Variants in BCAN observed in about 807,000 individuals in gnomAD.
BCAN encodes the protein brevican, also known as brevican core protein.
A neutral mutation model predicts 92.4 loss-of-function variants in BCAN; 51 were observed. The observed-to-expected ratio is 0.55, with a 90% CI of 0.44 to 0.70. The LOEUF (loss-of-function observed/expected upper bound fraction) is 0.70. Among genes scored for constraint, BCAN ranks in the 30% least tolerant of loss-of-function variants. The pLI is 0.00. For missense variants in BCAN, 1,140 were observed against 1,212.1 expected, an observed-to-expected ratio of 0.94 and a Z score of 0.88; for synonymous variants, 501 against 505.2, an observed-to-expected ratio of 0.99 and a Z score of 0.11.
At chr1:156,649,357 C>A (rs1304355772) in intron 6 of BCAN, among the ~76,000 whole-genome samples, 2 of 152,164 alleles carry the variant, frequency 1.3e-5, no homozygotes, top group East Asian at 1.9e-4. Flanking sequence ...GGGAGCAAGA[C>A]CTTAAGTACA....
At position 156,642,846 on chromosome 1, in the gene BCAN, G is replaced by A. The variant is rs996209656; in HGVS notation, c.-9+571G>A. ...TTCTCTGAACCTCGGGTTCCTCATC[G>A]GTGTAATGAGCAAAACATAAACAAT... is the stretch of plus-strand genomic sequence containing the variant. On this transcript the variant is annotated intron_variant, in intron 1 of 13. Coordinates refer to ENST00000329117, the MANE Select transcript of BCAN (RefSeq NM_021948.5). This position sits in a 1 kb window ranked among gnomAD's most constrained non-coding sequence, Gnocchi z 4.2. The A allele has an allele frequency of 7.9e-5, 12 of 152,218 alleles. No individual in the cohort carries two copies. The highest frequency in any genetic ancestry group is 1.4e-4 in the African/African-American group (6 of 41,434). 9.4% of individuals were successfully genotyped at this position (152,218 alleles called of 1,614,324 possible).
In BCAN at chr1:156,648,924, G is replaced by A. The variant is rs1679073175; in HGVS notation, c.1063+63G>A. On this transcript the variant is annotated intron_variant, in intron 6 of 13. Coordinates refer to ENST00000329117, the MANE Select transcript of BCAN (RefSeq NM_021948.5). ...AGAAAGGCAGAGTTGAGTCCTAAAA[G>A]TCCTACCCCAGTCTGATCAGTTTAG... The A allele has an allele frequency of 2.0e-5, 30 of 1,491,624 alleles. No homozygotes were observed. In the South Asian group the frequency reaches 3.9e-4, roughly 19 times the overall value. 92.4% of individuals were successfully genotyped at this position (1,491,624 alleles called of 1,614,324 possible).
At position 156,652,877 on chromosome 1, in the gene BCAN, G is replaced by C. The variant is rs148943492; in HGVS notation, c.1927G>C (p.Val643Leu). The stretch of plus-strand genomic sequence containing the variant: ...CAGCGCCAGCCGAGGTGGAGTGGCC[G>C]TGGTCCCCGCATCAGGTAATTCTGC... The part of the protein sequence containing the change: ...TDSASRGGVA[V>L]VPASGDCVPS... The change falls in exon 8 of 14, where the codon GTG (valine) becomes CTG (leucine). Residue 643 changes from valine (V) to leucine (L), a missense_variant. This residue lies in a region of BCAN where 825 missense variants were observed against 871.8 expected (regional missense o/e 0.95). Coordinates refer to ENST00000329117, the MANE Select transcript of BCAN (RefSeq NM_021948.5). The C allele has an allele frequency of 7.4e-6, 12 of 1,613,656 alleles. No individual in the cohort carries two copies. Among genetic ancestry groups the C allele is most frequent in the Admixed American group, 1.7e-5 (1 of 60,014 alleles).
Position 156,659,095 on chromosome 1 carries a change from G to T in BCAN, c.2697G>T (p.Ala899=). Residue 899 remains alanine, a synonymous_variant, in exon 14 of 14, where the codon GCG becomes GCT. Coordinates refer to ENST00000329117, the MANE Select transcript of BCAN (RefSeq NM_021948.5). ...GGAGGCTACTGGGACGCTGGAAGGC[G>T]CTGTTGATCCCCCCTTCCAGCCCCA... The part of the protein sequence containing the change: ...RQGRLLGRWK[A]LLIPPSSPMP... 6.3e-7 allele frequency: 1 copy of T among 1,593,836 alleles called. No individual in the cohort carries two copies. The highest frequency in any genetic ancestry group is 2.3e-5 in the East Asian group (1 of 44,198).
rs757103146 is a variant in BCAN at position 156,648,763 on chromosome 1, G to C, written c.965G>C (p.Cys322Ser). 1.2e-6 allele frequency: 2 copies of C among 1,611,568 alleles called. No individual in the cohort carries two copies. The highest frequency in any genetic ancestry group is 2.2e-5 in the East Asian group (1 of 44,802). Residue 322 changes from cysteine to serine, a missense_variant, in exon 6 of 14, where the codon TGT becomes TCT. Cys to Ser is a moderately radical substitution (Grantham distance 112). Transcript: ENST00000329117. ...CCCATCGTCACACCCAGCCAGCGCT[G>C]TGGTGGGGGCTTGCCTGGTGTCAAG... ...RYPIVTPSQR[C>S]GGGLPGVKTL...
chr1:156,644,983 G>C (rs1029512749), intron 1 of BCAN: 1 of 152,228 alleles, frequency 6.6e-6, no homozygotes, highest in Non-Finnish European at 1.5e-5. Context: ...TTGCCCTCGT[G>C]CCTGACTTGG....
chr1:156,648,598 A>C lies in BCAN; in HGVS notation c.800A>C (p.Lys267Thr). Reference sequence around the variant, plus strand: ...CTGTTCCTGGGTGACCCTCCAGAGAAGCTGACATTGGAGGAAGCACGGGCG... The same window carrying C: ...CTGTTCCTGGGTGACCCTCCAGAGACGCTGACATTGGAGGAAGCACGGGCG... The part of the protein sequence containing the change: ...GELFLGDPPE[K>T]LTLEEARAYC... Residue 267 changes from lysine (K) to threonine (T), a missense_variant, in exon 6 of 14, where the codon AAG (lysine) becomes ACG (threonine). Physicochemically the swap from Lys to Thr is moderately conservative, Grantham distance 78. Coordinates refer to ENST00000329117, the MANE Select transcript of BCAN (RefSeq NM_021948.5). The C allele has an allele frequency of 1.9e-6, 3 of 1,602,272 alleles. No homozygotes were observed. Among genetic ancestry groups the C allele is most frequent in the Non-Finnish European group, 2.6e-6 (3 of 1,170,254 alleles).
Position 156,657,249 on chromosome 1 carries a change from T to A in BCAN, c.2209+153T>A, listed in dbSNP as rs895619276. On this transcript the variant is annotated intron_variant, in intron 10 of 13. Coordinates refer to ENST00000329117, the MANE Select transcript of BCAN (RefSeq NM_021948.5). ...CATTCGTTCACTCCCCTTCTCATTC[T>A]CTCTCCCTTCCCACCCTACGCTTAG... The A allele has an allele frequency of 5.8e-5, 60 of 1,033,358 alleles. No individual in the cohort carries two copies. The African/African-American group carries it at 9.0e-4, about 15-fold the overall frequency. The allele number at this position is 1,033,358 out of a possible 1,614,324, so 64.0% of individuals were successfully genotyped here. A position where few individuals can be genotyped will look rare whatever the true frequency, so the allele number is the denominator to read the frequency against.
intron 10 of BCAN, 82 bp downstream of exon 10, chr1:156,657,178 C>A: frequency 6.6e-7 from 1 of 1,523,208 alleles, no homozygotes; most frequent in South Asian, 1.2e-5. Flanking sequence ...TCCTCATTAA[C>A]CCATGCACTT....
At position 156,657,701 on chromosome 1, in the gene BCAN, G is replaced by A; in HGVS notation, c.2236G>A (p.Gly746Arg). The change falls in exon 11 of 14, where the codon GGA becomes AGA. Residue 746 changes from glycine (G) to arginine (R), a missense_variant. Physicochemically the swap from Gly to Arg is moderately radical, Grantham distance 125. Transcript: ENST00000329117. ...CCGGTACCGGGAGTACCAGTGGATC[G>A]GACTCAACGACAGGACCATCGAAGG... Reference protein sequence around the residue: ...NNRYREYQWIGLNDRTIEGDF... With the variant: ...NNRYREYQWIRLNDRTIEGDF... 4 of 1,612,300 alleles carry A rather than the reference G, an allele frequency of 2.5e-6. No homozygotes were observed. Among genetic ancestry groups the A allele is most frequent in the South Asian group, 1.1e-5 (1 of 91,002 alleles).
rs566846119 is a variant in BCAN, at chr1:156,654,350, C to T, written c.1942+1458C>T. 6.6e-5 allele frequency among the ~76,000 whole-genome samples: 10 copies of T among 152,306 alleles called. No homozygotes were observed. In the South Asian group the frequency reaches 2.1e-3, roughly 32 times the overall value. On this transcript the variant is annotated intron_variant, in intron 8 of 13. Coordinates refer to ENST00000329117, the MANE Select transcript of BCAN (RefSeq NM_021948.5). ...TGTCAACTGTTAGGTCCCTGCACAA[C>T]TGGCCTTGGAGTTCAGCCCTGTGGG...
chr1:156,653,722 A>T (rs1679252368), intron 8 of BCAN, among the ~76,000 whole-genome samples: 1 of 152,050 alleles, frequency 6.6e-6, no homozygotes, highest in East Asian at 1.9e-4. Flanking sequence ...GGCTGCTAAG[A>T]TCCCAAAATT....
chr1:156,648,934 A>G lies in BCAN; in HGVS notation c.1063+73A>G, dbSNP rs558915628. ...AGTTGAGTCCTAAAAGTCCTACCCCAGTCTGATCAGTTTAGCTCAGGGCTT... is the reference window on the plus strand; with the variant it reads ...AGTTGAGTCCTAAAAGTCCTACCCCGGTCTGATCAGTTTAGCTCAGGGCTT... On this transcript the variant is annotated intron_variant, in intron 6 of 13. Coordinates refer to ENST00000329117, the MANE Select transcript of BCAN (RefSeq NM_021948.5). 127 of 1,466,486 alleles carry G rather than the reference A, an allele frequency of 8.7e-5. No individual in the cohort carries two copies. The African/African-American group carries it at 1.5e-3, about 17-fold the overall frequency. The allele number at this position is 1,466,486 out of a possible 1,614,324, so 90.8% of individuals were successfully genotyped here. A position where few individuals can be genotyped will look rare whatever the true frequency, so the allele number is the denominator to read the frequency against.
At chr1:156,646,274 G>C (rs1201892468) in intron 2 of BCAN, 129 bp downstream of exon 2, 1 of 843,096 alleles carries the variant, frequency 1.2e-6, no homozygotes, top group Non-Finnish European at 1.8e-6. Context: ...GGAACACTTG[G>C]AAATAAGGGC....
Position 156,647,631 on chromosome 1 carries a change from T to C in BCAN, c.590T>C (p.Leu197Pro). The change falls in exon 4 of 14, where the codon CTT becomes CCT. Residue 197 changes from leucine (L) to proline (P), a missense_variant. Leu to Pro is a moderately conservative substitution (Grantham distance 98). Coordinates refer to ENST00000329117, the MANE Select transcript of BCAN (RefSeq NM_021948.5). This position sits in a 1 kb window ranked among gnomAD's most constrained non-coding sequence, Gnocchi z 4.8. ...CCGGAGCAGCTCTATGCCGCCTACC[T>C]TGGGGGCTATGAGCAATGTGATGCT... ...ATPEQLYAAY[L>P]GGYEQCDAGW... 6.2e-7 allele frequency: 1 copy of C among 1,611,656 alleles called. No individual in the cohort carries two copies. The highest frequency in any genetic ancestry group is 1.3e-5 in the African/African-American group (1 of 74,984).
chr1:156,653,099 C>T, intron 8 of BCAN: 2 of 1,421,688 alleles, frequency 1.4e-6, no homozygotes, highest in African/African-American at 1.4e-5. Flanking sequence ...GCGTCTTTAC[C>T]CTGTGATCCC....
At chr1:156,655,979 G>T (rs1260212332) in intron 8 of BCAN, among the ~76,000 whole-genome samples, 5 of 152,190 alleles carry the variant, frequency 3.3e-5, no homozygotes, top group African/African-American at 1.2e-4. Flanking sequence ...TTGTGGGGCT[G>T]GGTTCTCAGG....
At position 156,647,735 on chromosome 1, in the gene BCAN, C is replaced by T. The variant is rs1679032299; in HGVS notation, c.641+53C>T. 11 of 1,551,870 alleles carry T rather than the reference C, an allele frequency of 7.1e-6. No individual in the cohort carries two copies. The highest frequency in any genetic ancestry group is 4.5e-5 in the East Asian group (2 of 44,144). The stretch of plus-strand genomic sequence containing the variant: ...CTATTGGCCCCTGAGGTGGCCATGG[C>T]CCCCCTTCTGCTGGGTGCTGCCTGC... On this transcript the variant is annotated intron_variant, in intron 4 of 13. Coordinates refer to ENST00000329117, the MANE Select transcript of BCAN (RefSeq NM_021948.5). This position sits in a 1 kb window ranked among gnomAD's most constrained non-coding sequence, Gnocchi z 4.8.
chr1:156,657,132 A>T, intron 10 of BCAN, 36 bp downstream of exon 10: 2 of 1,600,148 alleles, frequency 1.2e-6, no homozygotes, highest in Non-Finnish European at 1.7e-6. Context: ...GGCCCCTGCC[A>T]TATGCTCTCA....
Sources: allele counts gnomAD v4.1 joint callset (sites outside exome capture counted in the v4.1 genomes callset), GRCh38; gene constraint gnomAD v4.1.1; regional missense constraint gnomAD v4.1.1; non-coding constraint Gnocchi (gnomAD v3.1); transcripts MANE v1.5; gene names NCBI Gene and HGNC (gene_info 2026-07-23, HGNC 2026-07-21).